The following SORCS2 variants were observed in gnomAD, a reference collection of about 807,000 sequenced individuals.
SORCS2 encodes VPS10 domain-containing receptor SorCS2.
A neutral mutation model predicts 141.6 loss-of-function variants in SORCS2; 100 were observed. The observed-to-expected ratio is 0.71, with a 90% CI of 0.60 to 0.83. The LOEUF is 0.83. SORCS2 is among the 40% of genes least tolerant of loss of function. The pLI, the probability that SORCS2 is intolerant of heterozygous loss-of-function variation, is 0.00. For missense variants in SORCS2, 1,646 were observed against 1,560.2 expected (o/e 1.05, Z -0.93); for synonymous variants, 789 against 676.9 (o/e 1.17, Z -2.57).
intron 3 of SORCS2, among the ~76,000 whole-genome samples, chr4:7,575,709 G>A (rs1265459463): frequency 6.6e-6 from 1 of 152,226 alleles, no homozygotes; most frequent in African/African-American, 2.4e-5. Context: ...CTGGACACTT[G>A]CTCCTGTGTC....
intron 1 of SORCS2, among the ~76,000 whole-genome samples, chr4:7,306,632 C>T (rs903326539): frequency 2.0e-5 from 3 of 152,180 alleles, no homozygotes; most frequent in Admixed American, 1.3e-4. Flanking sequence ...GCCTGGGAAT[C>T]GCCTTCAGTT....
intron 1 of SORCS2, among the ~76,000 whole-genome samples, chr4:7,312,614 G>C (rs192747813): frequency 3.3e-5 from 5 of 152,212 alleles, no homozygotes; most frequent in Admixed American, 6.5e-5. Flanking sequence ...CTTGCCCTCT[G>C]TTCTGTGCTG....
At chr4:7,564,016 G>T (rs1260169430) in intron 3 of SORCS2, among the ~76,000 whole-genome samples, 1 of 152,182 alleles carries the variant, frequency 6.6e-6, no homozygotes, top group Non-Finnish European at 1.5e-5. Context: ...TCCACATTGG[G>T]TATTTTTGCA....
chr4:7,249,482 G>C (rs1244604817), intron 1 of SORCS2, among the ~76,000 whole-genome samples: 2 of 152,216 alleles, frequency 1.3e-5, no homozygotes, highest in Admixed American at 6.5e-5. Flanking sequence ...CCAGGTTCAA[G>C]GGGAGGGGAC....
In SORCS2 at chr4:7,524,705, C is replaced by G. The variant is rs569742570; in HGVS notation, c.549-6825C>G. ...AAGGAAGTGGGGTGCGGCAGTGCCT[C>G]CTTAACCGCATCTCTCTTCCCACCG... is the stretch of plus-strand genomic sequence containing the variant. On this transcript the variant is annotated intron_variant, in intron 2 of 26. Transcript: ENST00000507866. Among the ~76,000 whole-genome samples, 476 of 152,136 alleles carry G rather than the reference C, an allele frequency of 3.1e-3. 3 individuals are homozygous for G. Among genetic ancestry groups the G allele is most frequent in the Non-Finnish European group, 3.9e-3 (263 of 68,010 alleles).
chr4:7,612,186 C>T lies in SORCS2; in HGVS notation c.649-26142C>T, dbSNP rs561209005. The stretch of plus-strand genomic sequence containing the variant: ...AAACTGAGCATCATCAGCCAGGATG[C>T]GGGAGTTTCATCCTGAAAACAATGA... On this transcript the variant is annotated intron_variant, in intron 3 of 26. Coordinates refer to ENST00000507866, the MANE Select transcript of SORCS2 (RefSeq NM_020777.3). Among the ~76,000 whole-genome samples the T allele has an allele frequency of 8.0e-4, 122 of 152,190 alleles. 1 individual carries two copies. The highest frequency in any genetic ancestry group is 2.9e-4 in the African/African-American group (12 of 41,504).
chr4:7,656,938 G>A (rs879829736), intron 5 of SORCS2, among the ~76,000 whole-genome samples: 2 of 152,242 alleles, frequency 1.3e-5, no homozygotes, highest in Non-Finnish European at 2.9e-5. Flanking sequence ...CCTGAGGGCC[G>A]CCTGCCCCCG....
intron 2 of SORCS2, among the ~76,000 whole-genome samples, chr4:7,454,531 A>G (rs1173597714): frequency 8.7e-6 from 1 of 114,378 alleles, no homozygotes; most frequent in Non-Finnish European, 1.7e-5. Flanking sequence ...TGTTGGGGTC[A>G]GCTGCTGTGT....
chr4:7,729,412 G>T (rs74330949), intron 22 of SORCS2, among the ~76,000 whole-genome samples, 175 bp from the exon 23 acceptor site: 1 of 152,036 alleles, frequency 6.6e-6, no homozygotes, highest in Admixed American at 6.5e-5. Flanking sequence ...GGTGCAGGGG[G>T]TAGCTCAGGG....
At chr4:7,659,609 T>C (rs1469292473) in intron 5 of SORCS2, among the ~76,000 whole-genome samples, 1 of 152,144 alleles carries the variant, frequency 6.6e-6, no homozygotes, top group Non-Finnish European at 1.5e-5. Flanking sequence ...AGAGGACGAG[T>C]ACTGCATAAA....
At chr4:7,727,702 C>A (rs1727321800) in intron 21 of SORCS2, among the ~76,000 whole-genome samples, 1 of 152,188 alleles carries the variant, frequency 6.6e-6, no homozygotes, top group African/African-American at 2.4e-5. Context: ...GTCCTCAAAG[C>A]ACTTGTCCCT....
intron 2 of SORCS2, among the ~76,000 whole-genome samples, chr4:7,406,027 G>A (rs1031779456): frequency 6.6e-6 from 1 of 151,612 alleles, no homozygotes; most frequent in African/African-American, 2.4e-5. Flanking sequence ...TGCCTAGTTT[G>A]TATGTGATGT....
intron 2 of SORCS2, among the ~76,000 whole-genome samples, chr4:7,472,657 A>C (rs1730049431): frequency 6.6e-6 from 1 of 152,154 alleles, no homozygotes; most frequent in South Asian, 2.1e-4. Context: ...GGGAGGGCAG[A>C]CTAAAGCCGG....
chr4:7,479,763 T>G (rs1343724883), intron 2 of SORCS2, among the ~76,000 whole-genome samples: 1 of 152,238 alleles, frequency 6.6e-6, no homozygotes, highest in African/African-American at 2.4e-5. Flanking sequence ...ATACAGATGC[T>G]CTGCAAATGA....
At chr4:7,198,481 G>A (rs926248643) in intron 1 of SORCS2, among the ~76,000 whole-genome samples, 3 of 152,202 alleles carry the variant, frequency 2.0e-5, no homozygotes, top group African/African-American at 7.2e-5. Context: ...CCCACATGGT[G>A]TGGGCCTCCC....
intron 11 of SORCS2, among the ~76,000 whole-genome samples, chr4:7,694,885 C>T (rs977250360): frequency 4.6e-5 from 7 of 152,228 alleles, no homozygotes; most frequent in South Asian, 4.2e-4. Flanking sequence ...TGGACAGCCA[C>T]GTTCAGCTCT....
intron 11 of SORCS2, 130 bp downstream of exon 11, chr4:7,689,718 C>T (rs1724096651): frequency 7.5e-6 from 6 of 802,264 alleles, no homozygotes; most frequent in Admixed American, 6.5e-5. Context: ...AGTACCACTG[C>T]ATCTCCAGGA....
chr4:7,738,531 G>A (rs751805990), intron 26 of SORCS2, among the ~76,000 whole-genome samples: 7 of 152,124 alleles, frequency 4.6e-5, no homozygotes, highest in Admixed American at 1.3e-4. Flanking sequence ...TTATGGTGAC[G>A]TCGGCACACA....
chr4:7,462,219 A>C (rs916353829), intron 2 of SORCS2, among the ~76,000 whole-genome samples: 1 of 152,150 alleles, frequency 6.6e-6, no homozygotes, highest in African/African-American at 2.4e-5. Context: ...CCGGTGCTTC[A>C]CGCAGGGACA....
Sources: gnomAD v4.1 joint callset for allele counts (sites outside exome capture counted in the v4.1 genomes callset) on GRCh38, gnomAD v4.1.1 for gene constraint, MANE v1.5 for transcripts, NCBI Gene and HGNC (gene_info 2026-07-23, HGNC 2026-07-21) for gene names.